The following ATP8A1 variants were observed in gnomAD, a reference collection of about 807,000 sequenced individuals.
The protein encoded by ATP8A1 is phospholipid-transporting ATPase IA.
Under a neutral mutation model 177.7 loss-of-function variants are expected in ATP8A1, and 90 were observed. The observed-to-expected ratio is 0.51, with a 90% CI of 0.43 to 0.60. ATP8A1 has a LOEUF of 0.60. Ranked by LOEUF, ATP8A1 falls within the 20% of genes least tolerant of loss-of-function variation. The probability of loss-of-function intolerance (pLI) is 0.00; values close to 1 mark genes in which losing one functional copy is unlikely to be tolerated. For missense variants in ATP8A1, 1,072 were observed against 1,392.8 expected (o/e 0.77, Z 3.67); for synonymous variants, 493 against 485.9 (o/e 1.01, Z -0.19).
chr4:42,514,590 C>T (rs1386360114), intron 22 of ATP8A1, among the ~76,000 whole-genome samples: 1 of 152,186 alleles, frequency 6.6e-6, no homozygotes, highest in East Asian at 1.9e-4. Context: ...ATGAGCCCCA[C>T]TTCTCACCCT....
At chr4:42,523,604 C>T (rs1281514000) in intron 21 of ATP8A1, among the ~76,000 whole-genome samples, 1 of 152,080 alleles carries the variant, frequency 6.6e-6, no homozygotes, top group South Asian at 2.1e-4. Context: ...GAAGTGTCAT[C>T]CAGCCCAGGG....
Position 42,414,669 on chromosome 4 carries a change from C to T in ATP8A1, c.3355G>A (p.Val1119Met), listed in dbSNP as rs369168664. The T allele has an allele frequency of 9.9e-6, 16 of 1,613,860 alleles. No homozygotes were observed. The highest frequency in any genetic ancestry group is 8.9e-5 in the East Asian group (4 of 44,878). The change falls in exon 36 of 37, where the codon GTG (valine) becomes ATG (methionine). Residue 1119 changes from valine (V) to methionine (M), a missense_variant. Val to Met is a conservative substitution (Grantham distance 21). This residue lies in a region of ATP8A1 where 316 missense variants were observed against 459.1 expected (regional missense o/e 0.69). Transcript: ENST00000381668. ...LLKNVFKKNH[V>M]NLYRSESLQQ... ...AAGGATTCAGAGCGGTACAAGTTCA[C>T]GTGGTTCTTCTTAAAGACGTTCTTG... is the stretch of plus-strand genomic sequence containing the variant.
intron 27 of ATP8A1, among the ~76,000 whole-genome samples, chr4:42,461,120 T>C (rs1719080271): frequency 6.6e-6 from 1 of 152,200 alleles, no homozygotes; most frequent in Non-Finnish European, 1.5e-5. Flanking sequence ...ATACTCCAGA[T>C]TTTGAAAACT....
chr4:42,623,847 T>C (rs913875158), intron 4 of ATP8A1, among the ~76,000 whole-genome samples: 1 of 152,152 alleles, frequency 6.6e-6, no homozygotes, highest in African/African-American at 2.4e-5. Flanking sequence ...CATGTACCCC[T>C]GAACTTAAAA....
At chr4:42,542,957 T>C (rs751794190) in intron 20 of ATP8A1, among the ~76,000 whole-genome samples, 12 of 152,184 alleles carry the variant, frequency 7.9e-5, no homozygotes, top group Non-Finnish European at 1.8e-4. Context: ...TTAGGTCTTA[T>C]CTTCCTATCT....
At chr4:42,560,314 G>A (rs1374686494) in intron 15 of ATP8A1, among the ~76,000 whole-genome samples, 1 of 152,038 alleles carries the variant, frequency 6.6e-6, no homozygotes, top group African/African-American at 2.4e-5. Flanking sequence ...AAGACAGGGA[G>A]GGGATCAAAA....
chr4:42,455,567 T>C lies in ATP8A1; in HGVS notation c.2652A>G (p.Gly884=), dbSNP rs1718393084. 4 of 1,613,530 alleles carry C rather than the reference T, an allele frequency of 2.5e-6. No homozygotes were observed. In the South Asian group the frequency reaches 4.4e-5, roughly 18 times the overall value. ...TACACCATCTTTCAAAGAGGATCTG[T>C]CCAGAAAAGCCATTAACAAAGGCAA... The part of the protein sequence containing the change: ...IWFAFVNGFS[G]QILFERWCIG... The change falls in exon 28 of 37, where the codon GGA becomes GGG. Residue 884 remains glycine, a synonymous_variant. Coordinates refer to ENST00000381668, the MANE Select transcript of ATP8A1 (RefSeq NM_006095.2).
intron 6 of ATP8A1, among the ~76,000 whole-genome samples, chr4:42,593,037 T>C (rs889605512): frequency 2.6e-5 from 4 of 152,050 alleles, no homozygotes; most frequent in African/African-American, 9.7e-5. Context: ...ACAAAAAGAA[T>C]TGGGGAATAT....
At chr4:42,638,901 C>T (rs1051634422) in intron 1 of ATP8A1, among the ~76,000 whole-genome samples, 20 of 152,262 alleles carry the variant, frequency 1.3e-4, no homozygotes, top group African/African-American at 4.6e-4. Flanking sequence ...CAGACTGACA[C>T]TACGGACTGG....
chr4:42,577,497 G>C (rs1475801477), intron 12 of ATP8A1, among the ~76,000 whole-genome samples: 1 of 151,992 alleles, frequency 6.6e-6, no homozygotes, highest in Non-Finnish European at 1.5e-5. Context: ...ACTTTACAAT[G>C]ATTGAAAAAG....
intron 2 of ATP8A1, 148 bp downstream of exon 2, chr4:42,626,847 A>C (rs1738155973): frequency 1.5e-6 from 1 of 662,332 alleles, no homozygotes; most frequent in Non-Finnish European, 2.7e-6. Flanking sequence ...ATGGGAGAGA[A>C]GATGGGGAAA....
At chr4:42,623,016 A>AAG (rs1156818798) in intron 4 of ATP8A1, among the ~76,000 whole-genome samples, 1 of 151,726 alleles carries the variant, frequency 6.6e-6, no homozygotes, top group East Asian at 1.9e-4. Context: ...TCTCAAAAAA[A>AAG]AAAAAAAAGG....
At chr4:42,430,649 G>A (rs1212774518) in intron 33 of ATP8A1, among the ~76,000 whole-genome samples, 1 of 151,998 alleles carries the variant, frequency 6.6e-6, no homozygotes, top group Non-Finnish European at 1.5e-5. Flanking sequence ...CCTCCGGTGG[G>A]CCCCAGTGTG....
rs1441258393 is a variant in ATP8A1, at chr4:42,503,540, A to G, written c.2087-26T>C. 5 of 1,450,334 alleles carry G rather than the reference A, an allele frequency of 3.4e-6. No homozygotes were observed. The Admixed American group carries it at 9.4e-5, about 27-fold the overall frequency. 89.8% of individuals were successfully genotyped at this position (1,450,334 alleles called of 1,614,324 possible). On this transcript the variant is annotated intron_variant, in intron 23 of 36. Transcript: ENST00000381668. ...CTGTATCCAAACACAGAGTATATTA[A>G]AATTAATTTCTCCAGAGAATATGTA...
chr4:42,569,099 A>C lies in ATP8A1; in HGVS notation c.1340+62T>G, dbSNP rs933240028. On this transcript the variant is annotated intron_variant, in intron 15 of 36. Transcript: ENST00000381668. ...TAAAAGAGAGTGAAATGTGTCTTAC[A>C]AAACAATAAAATGCAAACCTTTTAT... 12 of 1,171,314 alleles carry C rather than the reference A, an allele frequency of 1.0e-5. No homozygotes were observed. In the African/African-American group the frequency reaches 1.8e-4, roughly 17 times the overall value. 72.6% of individuals were successfully genotyped at this position (1,171,314 alleles called of 1,614,324 possible). A position where few individuals can be genotyped will look rare whatever the true frequency, so the allele number is the denominator to read the frequency against.
At chr4:42,510,573 A>C (rs1724904669) in intron 22 of ATP8A1, among the ~76,000 whole-genome samples, 1 of 152,162 alleles carries the variant, frequency 6.6e-6, no homozygotes, top group Non-Finnish European at 1.5e-5. Context: ...ACAAGCCCTC[A>C]AAATTTCCTG....
At chr4:42,545,636 C>T (rs1244846223) in intron 19 of ATP8A1, among the ~76,000 whole-genome samples, 1 of 152,302 alleles carries the variant, frequency 6.6e-6, no homozygotes, top group Admixed American at 6.5e-5. Context: ...CTCCTCACCC[C>T]AGAAGCTTGA....
Position 42,422,898 on chromosome 4 carries a change from T to TA in ATP8A1, c.3213dup (p.Ile1072TyrfsTer7). ...AATGTTTTAAAAGCAGTCCTCTTGA[T>TA]ACTGCAAAAAGAAAAAAAAAGGGAT... On this transcript the variant is annotated frameshift_variant and splice_region_variant, in exon 35 of 37. Coordinates refer to ENST00000381668, the MANE Select transcript of ATP8A1 (RefSeq NM_006095.2). LOFTEE classifies it high-confidence loss of function. The TA allele has an allele frequency of 6.2e-7, 1 of 1,605,104 alleles. No homozygotes were observed. The highest frequency in any genetic ancestry group is 8.5e-7 in the Non-Finnish European group (1 of 1,177,562).
At chr4:42,446,849 A>G (rs1017643407) in intron 30 of ATP8A1, among the ~76,000 whole-genome samples, 1 of 152,126 alleles carries the variant, frequency 6.6e-6, no homozygotes, top group African/African-American at 2.4e-5. Context: ...GACAACATTG[A>G]AGAAGGAAAT....
Sources: allele counts gnomAD v4.1 joint callset (sites outside exome capture counted in the v4.1 genomes callset), GRCh38; gene constraint gnomAD v4.1.1; regional missense constraint gnomAD v4.1.1; transcripts MANE v1.5; gene names NCBI Gene and HGNC (gene_info 2026-07-23, HGNC 2026-07-21).